The following NTN4 variants were observed in gnomAD, a reference collection of about 807,000 sequenced individuals.
NTN4 encodes the protein netrin-4.
In NTN4, 32 loss-of-function variants were observed where a neutral mutation model predicts 73.6. The observed-to-expected ratio is 0.44, with a 90% CI of 0.33 to 0.58. The LOEUF is 0.58. NTN4 is among the 20% of genes least tolerant of loss of function. The pLI is 0.04. For missense variants in NTN4, 654 were observed against 798.3 expected (o/e 0.82, Z 2.18); for synonymous variants, 258 against 287.5 (o/e 0.90, Z 1.04).
chr12:95,728,823 G>A (rs1296568134), intron 3 of NTN4, among the ~76,000 whole-genome samples: 1 of 152,146 alleles, frequency 6.6e-6, no homozygotes, highest in Non-Finnish European at 1.5e-5. Context: ...GATCATGGGG[G>A]CTGTTTCTCA....
At chr12:95,751,679 C>T (rs1333834914) in intron 2 of NTN4, among the ~76,000 whole-genome samples, 2 of 152,048 alleles carry the variant, frequency 1.3e-5, no homozygotes, top group African/African-American at 4.8e-5. Flanking sequence ...CTCGGAAGCC[C>T]CCTAGACCAT....
intron 3 of NTN4, among the ~76,000 whole-genome samples, chr12:95,717,518 T>C (rs537068646): frequency 1.3e-5 from 2 of 152,188 alleles, no homozygotes; most frequent in East Asian, 3.9e-4. Context: ...ATTTTGAGAA[T>C]TACCAAAAAT....
intron 5 of NTN4, among the ~76,000 whole-genome samples, chr12:95,695,597 G>A (rs967691786): frequency 2.6e-5 from 4 of 151,962 alleles, no homozygotes; most frequent in Non-Finnish European, 2.9e-5. Context: ...ACTCCTGACC[G>A]CAAGTGATCT....
rs1156993601 is a variant in NTN4 at position 95,789,744 on chromosome 12, C to G, written c.55+511G>C. 6.5e-6 allele frequency: 1 copy of G among 153,512 alleles called. No individual in the cohort carries two copies. The highest frequency in any genetic ancestry group is 6.5e-5 in the Admixed American group (1 of 15,302). 9.5% of individuals were successfully genotyped at this position (153,512 alleles called of 1,614,324 possible). Reference sequence around the variant, plus strand: ...GAGTCCCACTGCGTTCCAGTCACTGCTCCGGGGAGAGGGCGCTCAGCCCTG... The same window carrying G: ...GAGTCCCACTGCGTTCCAGTCACTGGTCCGGGGAGAGGGCGCTCAGCCCTG... On this transcript the variant is annotated intron_variant, in intron 1 of 9. Transcript: ENST00000343702. This position sits in a 1 kb window ranked among gnomAD's most constrained non-coding sequence, Gnocchi z 4.0.
intron 5 of NTN4, among the ~76,000 whole-genome samples, chr12:95,684,631 G>C (rs1375426910): frequency 6.6e-6 from 1 of 151,778 alleles, no homozygotes; most frequent in Non-Finnish European, 1.5e-5. Context: ...CTAGTCAAAA[G>C]TCCTTCTCCT....
intron 3 of NTN4, among the ~76,000 whole-genome samples, chr12:95,730,606 A>C (rs1031483474): frequency 5.9e-5 from 9 of 152,302 alleles, no homozygotes; most frequent in Admixed American, 5.2e-4. Flanking sequence ...AAACACTAAC[A>C]ATTTCCAGCC....
intron 2 of NTN4, among the ~76,000 whole-genome samples, chr12:95,750,888 T>A (rs925588104): frequency 4.2e-4 from 64 of 152,342 alleles, no homozygotes; most frequent in African/African-American, 1.5e-3. Flanking sequence ...CTTCCGTGAC[T>A]AGCCCTCCCC....
intron 2 of NTN4, among the ~76,000 whole-genome samples, chr12:95,751,868 G>C (rs1399721888): frequency 1.1e-5 from 1 of 91,776 alleles, no homozygotes; most frequent in Non-Finnish European, 2.4e-5. Flanking sequence ...CCCAACTCTG[G>C]TGCCAACTTA....
chr12:95,739,101 G>A lies in NTN4; in HGVS notation c.586-957C>T, dbSNP rs2078803845. Among the ~76,000 whole-genome samples the A allele has an allele frequency of 1.3e-5, 2 of 152,136 alleles. 1 individual carries two copies. Among genetic ancestry groups the A allele is most frequent in the Admixed American group, 1.3e-4 (2 of 15,272 alleles). On this transcript the variant is annotated intron_variant, in intron 2 of 9. Coordinates refer to ENST00000343702, the MANE Select transcript of NTN4 (RefSeq NM_021229.4). ...CCAGACCAAAAACTTCATGTAGGCG[G>A]TCACGTATGTATCCCAGGACAGTGG...
chr12:95,733,381 G>T (rs1161367461), intron 3 of NTN4, among the ~76,000 whole-genome samples: 1 of 152,202 alleles, frequency 6.6e-6, no homozygotes, highest in Non-Finnish European at 1.5e-5. Flanking sequence ...CACATAAGCT[G>T]TGATTTATTT....
At position 95,790,313 on chromosome 12, in the gene NTN4, C is replaced by T. The variant is rs777330830; in HGVS notation, c.-4G>A. 14 of 1,527,384 alleles carry T rather than the reference C, an allele frequency of 9.2e-6. No homozygotes were observed. The highest frequency in any genetic ancestry group is 2.2e-4 in the Middle Eastern group (1 of 4,592). The allele number at this position is 1,527,384 out of a possible 1,614,324, so 94.6% of individuals were successfully genotyped here. A position where few individuals can be genotyped will look rare whatever the true frequency, so the allele number is the denominator to read the frequency against. On this transcript the variant is annotated 5_prime_UTR_variant, in exon 1 of 10. Transcript: ENST00000343702. The surrounding 1 kb of genome is among the most constrained non-coding windows in gnomAD (Gnocchi z 6.5). ...GCAGCCGCGCGCAGCTCCCCATGGC[C>T]GGGAGGAGCCGGGAGCAGCCGGGCC...
intron 7 of NTN4, among the ~76,000 whole-genome samples, chr12:95,678,156 T>C (rs1592658879): frequency 6.8e-6 from 1 of 146,396 alleles, no homozygotes; most frequent in Non-Finnish European, 1.5e-5. Flanking sequence ...TGGACACAGG[T>C]AGGGGAACAA....
At chr12:95,702,836 T>A (rs962347103) in intron 5 of NTN4, among the ~76,000 whole-genome samples, 1 of 146,278 alleles carries the variant, frequency 6.8e-6, no homozygotes, top group Admixed American at 7.2e-5. Context: ...CTTCAGGTTT[T>A]CAATGGTTTT....
intron 9 of NTN4, among the ~76,000 whole-genome samples, chr12:95,662,069 TA>T (rs2120908874): frequency 6.6e-6 from 1 of 152,246 alleles, no homozygotes; most frequent in South Asian, 2.1e-4. Context: ...TCGTTTTGGT[TA>T]AAAAATATAA....
chr12:95,688,917 A>G (rs1290452343), intron 5 of NTN4, among the ~76,000 whole-genome samples: 1 of 152,148 alleles, frequency 6.6e-6, no homozygotes, highest in Non-Finnish European at 1.5e-5. Context: ...TTTTGTGAGA[A>G]CAGAAGCTGG....
intron 7 of NTN4, among the ~76,000 whole-genome samples, chr12:95,676,361 C>T (rs2078273208): frequency 6.6e-6 from 1 of 152,042 alleles, no homozygotes; most frequent in Non-Finnish European, 1.5e-5. Context: ...CCCACTTCGG[C>T]CTCCCAAAGT....
At chr12:95,706,365 C>T (rs1192930403) in intron 5 of NTN4, among the ~76,000 whole-genome samples, 1 of 152,006 alleles carries the variant, frequency 6.6e-6, no homozygotes, top group Admixed American at 6.5e-5. Flanking sequence ...TTTCTTTTTT[C>T]TCTTTTTAAT....
At position 95,665,579 on chromosome 12, in the gene NTN4, G is replaced by T. The variant is rs568958534; in HGVS notation, c.1750+231C>A. On this transcript the variant is annotated intron_variant, in intron 9 of 9. Transcript: ENST00000343702. ...TGAGCCTCCTCTTTTAGGATAGAGAGTATTATATTTCTGGATTTTAAAATA... is the reference window on the plus strand; with the variant it reads ...TGAGCCTCCTCTTTTAGGATAGAGATTATTATATTTCTGGATTTTAAAATA... 6 of 365,854 alleles carry T rather than the reference G, an allele frequency of 1.6e-5. No homozygotes were observed. In the East Asian group the frequency reaches 2.7e-4, roughly 16 times the overall value. 22.7% of individuals were successfully genotyped at this position (365,854 alleles called of 1,614,324 possible).
intron 2 of NTN4, among the ~76,000 whole-genome samples, chr12:95,780,224 C>G (rs2079122538): frequency 6.6e-6 from 1 of 152,128 alleles, no homozygotes; most frequent in Admixed American, 6.5e-5. Flanking sequence ...CAATACCATT[C>G]AGGACATAGG....
Sources: allele counts gnomAD v4.1 joint callset (sites outside exome capture counted in the v4.1 genomes callset), GRCh38; gene constraint gnomAD v4.1.1; non-coding constraint Gnocchi (gnomAD v3.1); transcripts MANE v1.5; gene names NCBI Gene and HGNC (gene_info 2026-07-23, HGNC 2026-07-21).